Variants in SPECC1 observed in about 807,000 individuals in gnomAD.
SPECC1 encodes the protein cytospin-B.
In SPECC1, 62 loss-of-function variants were observed where a neutral mutation model predicts 104.1. The observed-to-expected ratio is 0.60, with a 90% CI of 0.49 to 0.74. The LOEUF (loss-of-function observed/expected upper bound fraction) is 0.74, where lower values mean the gene tolerates loss of function less well. SPECC1 is among the 30% of genes least tolerant of loss of function. SPECC1 has a pLI of 0.00. For missense variants in SPECC1, 1,306 were observed against 1,310.5 expected (o/e 1.00, Z 0.05); for synonymous variants, 513 against 501.6 (o/e 1.02, Z -0.30).
intron 1 of SPECC1, among the ~76,000 whole-genome samples, chr17:20,082,988 TC>T (rs2047039465): frequency 2.0e-5 from 3 of 151,736 alleles, no homozygotes; most frequent in Non-Finnish European, 4.4e-5. Flanking sequence ...GTTCGTTCGT[TC>T]GTTCGTTCGT....
intron 1 of SPECC1, among the ~76,000 whole-genome samples, chr17:20,091,525 A>G (rs1047116308): frequency 6.6e-6 from 1 of 152,160 alleles, no homozygotes; most frequent in Non-Finnish European, 1.5e-5. Context: ...TCTGTCCAGT[A>G]GCACCCCAAG....
At chr17:20,030,757 T>G (rs1247352787) in intron 1 of SPECC1, among the ~76,000 whole-genome samples, 1 of 152,174 alleles carries the variant, frequency 6.6e-6, no homozygotes, top group Non-Finnish European at 1.5e-5. Flanking sequence ...TCCTGTGGTG[T>G]TTCTTCTAAG....
intron 9 of SPECC1, among the ~76,000 whole-genome samples, 199 bp downstream of exon 9, chr17:20,247,518 T>C (rs2039469941): frequency 6.6e-6 from 1 of 152,252 alleles, no homozygotes; most frequent in African/African-American, 2.4e-5. Flanking sequence ...TCAGATATTT[T>C]TGTTCATTTT....
At chr17:20,028,191 T>C (rs1182407747) in intron 1 of SPECC1, among the ~76,000 whole-genome samples, 1 of 152,202 alleles carries the variant, frequency 6.6e-6, no homozygotes, top group African/African-American at 2.4e-5. Flanking sequence ...GTTGACCTTT[T>C]TGAAAATCAT....
intron 3 of SPECC1, among the ~76,000 whole-genome samples, chr17:20,144,507 C>G (rs1427960470): frequency 6.6e-6 from 1 of 151,938 alleles, no homozygotes; most frequent in African/African-American, 2.4e-5. Flanking sequence ...GTTAACATGA[C>G]CCCATTGGTA....
chr17:20,091,911 G>A (rs866859003), intron 1 of SPECC1, among the ~76,000 whole-genome samples: 2 of 152,130 alleles, frequency 1.3e-5, no homozygotes, highest in Non-Finnish European at 2.9e-5. Context: ...GCTGAGGCCC[G>A]AGATAACCTC....
At chr17:20,026,699 G>C (rs1005736842) in intron 1 of SPECC1, among the ~76,000 whole-genome samples, 1 of 152,120 alleles carries the variant, frequency 6.6e-6, no homozygotes, top group Non-Finnish European at 1.5e-5. Context: ...TGCACATTTA[G>C]ATTTATTCCC....
intron 3 of SPECC1, among the ~76,000 whole-genome samples, chr17:20,183,026 G>A (rs2035014357): frequency 6.6e-6 from 1 of 152,158 alleles, no homozygotes; most frequent in South Asian, 2.1e-4. Context: ...AAAATATGCT[G>A]AAATATTAGT....
intron 14 of SPECC1, among the ~76,000 whole-genome samples, chr17:20,311,126 T>C (rs1365794523): frequency 6.7e-6 from 1 of 150,220 alleles, no homozygotes; most frequent in African/African-American, 2.4e-5. Context: ...TTTTTGGTGC[T>C]ATTGTAAATG....
At chr17:20,131,876 C>G (rs1252936143) in intron 3 of SPECC1, among the ~76,000 whole-genome samples, 3 of 152,046 alleles carry the variant, frequency 2.0e-5, no homozygotes. Context: ...TCTTGAACTC[C>G]TGAGCTCAGG....
chr17:20,153,963 C>T (rs1454504904), intron 3 of SPECC1, among the ~76,000 whole-genome samples: 1 of 152,182 alleles, frequency 6.6e-6, no homozygotes, highest in African/African-American at 2.4e-5. Flanking sequence ...AGTATATTTG[C>T]TTGTACATGC....
At chr17:20,283,615 C>T (rs1225456448) in intron 12 of SPECC1, among the ~76,000 whole-genome samples, 1 of 152,136 alleles carries the variant, frequency 6.6e-6, no homozygotes, top group Non-Finnish European at 1.5e-5. Flanking sequence ...GAGACAGAGT[C>T]TTGCTCTGTC....
At position 20,239,895 on chromosome 17, in the gene SPECC1, T is replaced by G. The variant is rs1399898346; in HGVS notation, c.2352-6031T>G. Among the ~76,000 whole-genome samples, 6 of 130,218 alleles carry G rather than the reference T, an allele frequency of 4.6e-5. No homozygotes were observed. The South Asian group carries it at 8.2e-4, about 18-fold the overall frequency. 85.4% of individuals were successfully genotyped at this position (130,218 alleles called of 152,430 possible). A position where few individuals can be genotyped will look rare whatever the true frequency, so the allele number is the denominator to read the frequency against. ...TTCGCTGAGTTTTTTTTTTTTTTTTTTTTTTTTTTTTTTTTAAAGACAGGG... is the reference window on the plus strand; with the variant it reads ...TTCGCTGAGTTTTTTTTTTTTTTTTGTTTTTTTTTTTTTTTAAAGACAGGG... On this transcript the variant is annotated intron_variant, in intron 7 of 14. Transcript: ENST00000395527.
chr17:20,204,952 A>G lies in SPECC1; in HGVS notation c.903A>G (p.Lys301=). 1 of 1,614,162 alleles carries G rather than the reference A, an allele frequency of 6.2e-7. No individual in the cohort carries two copies. The highest frequency in any genetic ancestry group is 8.5e-7 in the Non-Finnish European group (1 of 1,180,022). ...NQMSSDIDEY[K]KNIHGNALRT... ...TGTCCAGTGACATTGATGAGTATAA[A>G]AAAAACATACATGGAAATGCATTAC... is the stretch of plus-strand genomic sequence containing the variant. The change falls in exon 4 of 15, where the codon AAA becomes AAG. Residue 301 remains lysine (K), a synonymous_variant. Transcript: ENST00000395527.
chr17:20,047,842 C>T (rs536684567), intron 1 of SPECC1, among the ~76,000 whole-genome samples: 1 of 152,208 alleles, frequency 6.6e-6, no homozygotes, highest in South Asian at 2.1e-4. Flanking sequence ...TGTGGTCCCC[C>T]CGCCTCAGCC....
intron 4 of SPECC1, among the ~76,000 whole-genome samples, chr17:20,226,012 C>T (rs1339757306): frequency 6.6e-6 from 1 of 152,084 alleles, no homozygotes; most frequent in Admixed American, 6.5e-5. Flanking sequence ...ATTAAACAGA[C>T]AAGGTCCCTA....
At chr17:20,021,271 G>A (rs1276506976) in intron 1 of SPECC1, among the ~76,000 whole-genome samples, 1 of 151,970 alleles carries the variant, frequency 6.6e-6, no homozygotes, top group African/African-American at 2.4e-5. Context: ...TGCTATTCAA[G>A]GGTCACGCGT....
chr17:20,242,871 G>C (rs2039266728), intron 7 of SPECC1, among the ~76,000 whole-genome samples: 1 of 152,124 alleles, frequency 6.6e-6, no homozygotes, highest in Non-Finnish European at 1.5e-5. Flanking sequence ...ATATACAGTG[G>C]AGTTATACAC....
intron 3 of SPECC1, among the ~76,000 whole-genome samples, chr17:20,154,152 T>G (rs1013688533): frequency 6.6e-6 from 1 of 152,230 alleles, no homozygotes; most frequent in Non-Finnish European, 1.5e-5. Flanking sequence ...TTCATTCATT[T>G]GTTTTCATTC....
Sources: allele counts gnomAD v4.1 joint callset (sites outside exome capture counted in the v4.1 genomes callset), GRCh38; gene constraint gnomAD v4.1.1; transcripts MANE v1.5; gene names NCBI Gene and HGNC (gene_info 2026-07-23, HGNC 2026-07-21).